RPA1: variants seen among roughly 807,000 people sequenced by gnomAD.
RPA1 encodes the protein replication protein A 70 kDa DNA-binding subunit.
RPA1 carries 49 observed loss-of-function variants against 83.0 expected under a neutral mutation model. That is an observed-to-expected ratio of 0.59 (90% CI 0.47 to 0.75). The LOEUF (loss-of-function observed/expected upper bound fraction) is 0.75. Ranked by LOEUF, RPA1 falls within the 30% of genes least tolerant of loss-of-function variation. RPA1 has a pLI of 0.00. For missense variants in RPA1, 693 were observed against 776.1 expected (o/e 0.89, Z 1.27); for synonymous variants, 279 against 281.8 (o/e 0.99, Z 0.10).
intron 12 of RPA1, among the ~76,000 whole-genome samples, chr17:1,882,484 G>T (rs1158222882): frequency 2.6e-5 from 4 of 151,740 alleles, no homozygotes; most frequent in African/African-American, 9.7e-5. Flanking sequence ...GTGAAACCTC[G>T]TCTCTACAAA....
intron 1 of RPA1, among the ~76,000 whole-genome samples, chr17:1,838,190 C>G (rs1055525784): frequency 6.6e-6 from 1 of 151,742 alleles, no homozygotes; most frequent in Admixed American, 6.6e-5. Context: ...ACTCGGGAGG[C>G]TGAGGCGGGA....
chr17:1,859,449 A>G (rs1270055348), intron 5 of RPA1, among the ~76,000 whole-genome samples: 1 of 152,120 alleles, frequency 6.6e-6, no homozygotes, highest in East Asian at 1.9e-4. Context: ...CTGCAGTTCT[A>G]TTAGTTTTTG....
chr17:1,861,750 G>A (rs1352916856), intron 5 of RPA1, among the ~76,000 whole-genome samples: 3 of 150,262 alleles, frequency 2.0e-5, no homozygotes, highest in Admixed American at 6.6e-5. Flanking sequence ...TTTTTTAAGA[G>A]TCTCACACTG....
Position 1,887,686 on chromosome 17 carries a change from G to A in RPA1, c.1375-989G>A, listed in dbSNP as rs112071124. ...GTGGATCACTTGAGGTTTGGAGTTC[G>A]AGACCAGCCTACCCAACATGGCAAA... On this transcript the variant is annotated intron_variant, in intron 13 of 16. Coordinates refer to ENST00000254719, the MANE Select transcript of RPA1 (RefSeq NM_002945.5). Among the ~76,000 whole-genome samples the A allele has an allele frequency of 1.1e-4, 17 of 151,906 alleles. 1 individual carries two copies. Among genetic ancestry groups the A allele is most frequent in the Admixed American group, 5.3e-4 (8 of 15,232 alleles).
rs770724478 is a variant in RPA1 at position 1,831,790 on chromosome 17, G to A, written c.33+1664G>A. Among the ~76,000 whole-genome samples, 10 of 151,712 alleles carry A rather than the reference G, an allele frequency of 6.6e-5. No individual in the cohort carries two copies. In the South Asian group the frequency reaches 8.3e-4, roughly 13 times the overall value. Reference sequence around the variant, plus strand: ...ATTTTTTGTATTTTTTAGTAGAGACGGGGTTTCACCGTGTTAGCCAGGATG... The same window carrying A: ...ATTTTTTGTATTTTTTAGTAGAGACAGGGTTTCACCGTGTTAGCCAGGATG... On this transcript the variant is annotated intron_variant, in intron 1 of 16. Transcript: ENST00000254719.
chr17:1,896,363 C>T (rs778317504), intron 16 of RPA1, among the ~76,000 whole-genome samples: 1 of 152,176 alleles, frequency 6.6e-6, no homozygotes, highest in African/African-American at 2.4e-5. Context: ...CCATTCAGGC[C>T]GTGAGTGTAA....
intron 12 of RPA1, among the ~76,000 whole-genome samples, chr17:1,882,759 A>G (rs773577319): frequency 6.6e-6 from 1 of 152,158 alleles, no homozygotes; most frequent in Non-Finnish European, 1.5e-5. Context: ...GTCCGTTTCC[A>G]CACTGGTACA....
chr17:1,891,390 C>G (rs543135113), intron 14 of RPA1, among the ~76,000 whole-genome samples: 4 of 151,550 alleles, frequency 2.6e-5, no homozygotes, highest in East Asian at 1.9e-4. Flanking sequence ...TCCCCCGATT[C>G]ACTCAAAACC....
intron 6 of RPA1, among the ~76,000 whole-genome samples, chr17:1,873,069 C>T (rs1395078060): frequency 2.0e-5 from 3 of 152,192 alleles, no homozygotes; most frequent in Admixed American, 1.3e-4. Flanking sequence ...GTAGTTTCTT[C>T]GTTTCCCACA....
At chr17:1,872,552 T>C (rs1913414299) in intron 6 of RPA1, 26 bp downstream of exon 6, 2 of 1,610,268 alleles carry the variant, frequency 1.2e-6, no homozygotes, top group South Asian at 1.1e-5. Flanking sequence ...GGGCGTGCGC[T>C]GACCAGGGGT....
At chr17:1,867,885 C>A (rs1416670602) in intron 5 of RPA1, among the ~76,000 whole-genome samples, 1 of 151,826 alleles carries the variant, frequency 6.6e-6, no homozygotes, top group East Asian at 1.9e-4. Flanking sequence ...TAAAGATCAG[C>A]CTGGGTAGCT....
At chr17:1,896,947 C>T in intron 16 of RPA1, 124 bp from the exon 17 acceptor site, 1 of 768,442 alleles carries the variant, frequency 1.3e-6, no homozygotes, top group Non-Finnish European at 2.3e-6. Context: ...ACTGGAATGA[C>T]TGAACTCTGA....
intron 12 of RPA1, among the ~76,000 whole-genome samples, chr17:1,883,364 T>C (rs2151288818): frequency 6.6e-6 from 1 of 152,236 alleles, no homozygotes; most frequent in East Asian, 1.9e-4. Context: ...GGTTTCACCA[T>C]GTTGGCCAGG....
chr17:1,831,385 C>T (rs373187667), intron 1 of RPA1, among the ~76,000 whole-genome samples: 3 of 152,036 alleles, frequency 2.0e-5, no homozygotes, highest in African/African-American at 7.3e-5. Flanking sequence ...TTTGCCTCTG[C>T]GTAGATCTAT....
chr17:1,873,670 G>A (rs535404730), intron 6 of RPA1, among the ~76,000 whole-genome samples: 1 of 152,004 alleles, frequency 6.6e-6, no homozygotes, highest in South Asian at 2.1e-4. Flanking sequence ...TTTATAAGAG[G>A]ATCTATTTAT....
intron 7 of RPA1, 133 bp downstream of exon 7, chr17:1,875,926 T>TG: frequency 3.3e-6 from 2 of 601,600 alleles, no homozygotes; most frequent in Admixed American, 1.0e-4. Context: ...TTTACTCTTT[T>TG]TTTTTTTTTT....
At chr17:1,858,470 C>A in intron 5 of RPA1, 3 of 964,736 alleles carry the variant, frequency 3.1e-6, no homozygotes, top group Non-Finnish European at 4.7e-6. Context: ...CTCTCTTTTT[C>A]TTTTTTTTTT....
chr17:1,876,013 C>A (rs1249049744), intron 7 of RPA1, among the ~76,000 whole-genome samples: 1 of 150,058 alleles, frequency 6.7e-6, no homozygotes, highest in Non-Finnish European at 1.5e-5. Flanking sequence ...CAATAGCAAT[C>A]TGCCATAGCC....
chr17:1,896,930 G>A lies in RPA1; in HGVS notation c.1747-141G>A, dbSNP rs563300938. On this transcript the variant is annotated intron_variant, in intron 16 of 16. Transcript: ENST00000254719. ...AGCCCCAGACATTCAGGAGGAGGCT[G>A]TCACTCACTGGAATGACTGAACTCT... 4.7e-4 allele frequency: 333 copies of A among 708,844 alleles called. 1 individual carries two copies. Among genetic ancestry groups the A allele is most frequent in the Non-Finnish European group, 4.3e-4 (170 of 394,920 alleles). 43.9% of individuals were successfully genotyped at this position (708,844 alleles called of 1,614,324 possible). A position where few individuals can be genotyped will look rare whatever the true frequency, so the allele number is the denominator to read the frequency against.
Sources: gnomAD v4.1 joint callset for allele counts (sites outside exome capture counted in the v4.1 genomes callset) on GRCh38, gnomAD v4.1.1 for gene constraint, MANE v1.5 for transcripts, NCBI Gene and HGNC (gene_info 2026-07-23, HGNC 2026-07-21) for gene names.